The following CDH13 variants were observed in gnomAD, a reference collection of about 807,000 sequenced individuals.
CDH13 encodes the protein cadherin 13.
In CDH13, 24 loss-of-function variants were observed where a neutral mutation model predicts 63.8. That is an observed-to-expected ratio of 0.38 (90% CI 0.27 to 0.53). CDH13 has a LOEUF of 0.53. Ranked by LOEUF, CDH13 falls within the 20% of genes least tolerant of loss-of-function variation. The pLI, the probability that CDH13 is intolerant of heterozygous loss-of-function variation, is 0.85. For missense variants in CDH13, 1,049 were observed against 903.1 expected (o/e 1.16, Z -2.07); for synonymous variants, 503 against 355.3 (o/e 1.42, Z -4.67).
intron 7 of CDH13, among the ~76,000 whole-genome samples, chr16:83,556,119 T>C (rs1026559584): frequency 1.3e-5 from 2 of 152,218 alleles, no homozygotes; most frequent in Non-Finnish European, 2.9e-5. Context: ...AAAGTTAGTC[T>C]TTCATGTTGT....
chr16:82,974,734 G>C (rs1433607202), intron 2 of CDH13, among the ~76,000 whole-genome samples: 1 of 152,212 alleles, frequency 6.6e-6, no homozygotes, highest in Non-Finnish European at 1.5e-5. Context: ...TGTCTTTGAA[G>C]ATAGAGGAAG....
chr16:83,395,721 A>T (rs1476303249), intron 6 of CDH13, among the ~76,000 whole-genome samples: 1 of 152,152 alleles, frequency 6.6e-6, no homozygotes, highest in Non-Finnish European at 1.5e-5. Context: ...TAGTGGTTGA[A>T]ACTGAAGGCG....
chr16:83,060,852 C>T (rs188441422), intron 3 of CDH13, among the ~76,000 whole-genome samples: 6 of 152,324 alleles, frequency 3.9e-5, no homozygotes, highest in Non-Finnish European at 7.3e-5. Context: ...CTGCCTTCCA[C>T]AGCCTCTTTA....
intron 10 of CDH13, among the ~76,000 whole-genome samples, chr16:83,696,532 C>A (rs530797565): frequency 6.6e-6 from 1 of 152,184 alleles, no homozygotes; most frequent in Non-Finnish European, 1.5e-5. Context: ...GGGGACTTGG[C>A]AGCTGCCAGG....
intron 7 of CDH13, among the ~76,000 whole-genome samples, chr16:83,597,176 T>C (rs1188777501): frequency 1.3e-5 from 2 of 152,040 alleles, no homozygotes; most frequent in Non-Finnish European, 2.9e-5. Flanking sequence ...TGAGCTGTGA[T>C]CATGCCACTG....
chr16:83,271,811 G>A (rs8052584), intron 5 of CDH13, among the ~76,000 whole-genome samples: 133,446 of 152,204 alleles, frequency 0.88, 58,765 homozygotes, highest in East Asian at 1. Context: ...ATCAATTCCA[G>A]TAAAAATGCT....
intron 2 of CDH13, among the ~76,000 whole-genome samples, chr16:82,971,348 C>G (rs1274147279): frequency 6.6e-6 from 1 of 152,198 alleles, no homozygotes; most frequent in African/African-American, 2.4e-5. Context: ...TCATGTAGTG[C>G]TCCCATCACC....
At chr16:83,058,918 C>A (rs1456578215) in intron 3 of CDH13, among the ~76,000 whole-genome samples, 2 of 151,776 alleles carry the variant, frequency 1.3e-5, no homozygotes, top group East Asian at 1.9e-4. Flanking sequence ...TTTTAATCTT[C>A]TTAACTGGTG....
Position 82,719,226 on chromosome 16 carries a change from G to C in CDH13, c.45+92089G>C, listed in dbSNP as rs9936126. The C allele has an allele frequency of 9.4e-6, 3 of 318,510 alleles. No homozygotes were observed. In the East Asian group the frequency reaches 2.7e-4, roughly 29 times the overall value. 19.7% of individuals were successfully genotyped at this position (318,510 alleles called of 1,614,324 possible). ...GGGTCCCATTCTCAGGAGTTTCCAC[G>C]AGCAGGAACCTCACATCACTGCCAT... On this transcript the variant is annotated intron_variant, in intron 1 of 13. Coordinates refer to ENST00000567109, the MANE Select transcript of CDH13 (RefSeq NM_001257.5).
At chr16:83,712,308 C>T (rs1908185979) in intron 10 of CDH13, among the ~76,000 whole-genome samples, 1 of 152,200 alleles carries the variant, frequency 6.6e-6, no homozygotes, top group Non-Finnish European at 1.5e-5. Context: ...ACTGGGGGCT[C>T]TTGCGATCTC....
At chr16:82,866,377 C>CTTCTTT (rs1219841320) in intron 2 of CDH13, among the ~76,000 whole-genome samples, 19 of 58,322 alleles carry the variant, frequency 3.3e-4, no homozygotes, top group East Asian at 1.6e-3. Context: ...TTTTCTTCTT[C>CTTCTTT]TTTTTTTTTT....
intron 2 of CDH13, among the ~76,000 whole-genome samples, chr16:82,944,009 T>C (rs1904418232): frequency 6.6e-6 from 1 of 152,192 alleles, no homozygotes; most frequent in African/African-American, 2.4e-5. Flanking sequence ...TGCACTCAGA[T>C]AGCCCTTTAT....
At chr16:83,199,041 G>C (rs1331767487) in intron 4 of CDH13, among the ~76,000 whole-genome samples, 2 of 152,198 alleles carry the variant, frequency 1.3e-5, no homozygotes, top group Admixed American at 6.5e-5. Flanking sequence ...GAGAAAAGAC[G>C]AGGCAGGCTG....
intron 6 of CDH13, among the ~76,000 whole-genome samples, chr16:83,477,509 T>C (rs1376905944): frequency 6.6e-6 from 1 of 152,194 alleles, no homozygotes; most frequent in Non-Finnish European, 1.5e-5. Flanking sequence ...CTCAAACCTG[T>C]ATCAGGAGTA....
In CDH13 at chr16:83,134,000, A is replaced by G. The variant is rs561312476; in HGVS notation, c.483+8499A>G. The stretch of plus-strand genomic sequence containing the variant: ...CTAGCCATATGTATGGCTGATTAAC[A>G]TAGACATTCACTGCTTACTGATTAA... On this transcript the variant is annotated intron_variant, in intron 4 of 13. Transcript: ENST00000567109. 1.6e-4 allele frequency among the ~76,000 whole-genome samples: 25 copies of G among 152,322 alleles called. No homozygotes were observed. The South Asian group carries it at 2.1e-3, about 13-fold the overall frequency.
chr16:83,318,503 C>T (rs1186799051), intron 5 of CDH13, among the ~76,000 whole-genome samples: 1 of 152,146 alleles, frequency 6.6e-6, no homozygotes, highest in African/African-American at 2.4e-5. Context: ...AATGAAAGAT[C>T]CCACATGAAA....
chr16:83,626,066 A>G (rs562375159), intron 8 of CDH13, among the ~76,000 whole-genome samples: 3 of 150,276 alleles, frequency 2.0e-5, no homozygotes, highest in African/African-American at 7.4e-5. Context: ...GCTGGAGTGC[A>G]GTGGAACAAT....
intron 4 of CDH13, among the ~76,000 whole-genome samples, chr16:83,202,510 C>T (rs2039061426): frequency 6.6e-6 from 1 of 152,118 alleles, no homozygotes; most frequent in Non-Finnish European, 1.5e-5. Flanking sequence ...GTCTACACAT[C>T]CTTCCAATGA....
chr16:83,420,671 C>T (rs999913380), intron 6 of CDH13, among the ~76,000 whole-genome samples: 6 of 152,304 alleles, frequency 3.9e-5, no homozygotes, highest in East Asian at 1.9e-4. Context: ...AATTCACCCA[C>T]GTGATTACAA....
Sources: allele counts gnomAD v4.1 joint callset (sites outside exome capture counted in the v4.1 genomes callset), GRCh38; gene constraint gnomAD v4.1.1; transcripts MANE v1.5; gene names NCBI Gene and HGNC (gene_info 2026-07-23, HGNC 2026-07-21).